The following GPRC6A variants were observed in gnomAD, a reference collection of about 807,000 sequenced individuals.
GPRC6A encodes the protein G protein-coupled receptor family C group 6 member A.
In GPRC6A, 54 loss-of-function variants were observed where a neutral mutation model predicts 47.0. The observed-to-expected ratio is 1.15, with a 90% CI of 0.92 to 1.44. GPRC6A has a LOEUF of 1.44. GPRC6A is among the 40% of genes most tolerant of loss of function. The probability of loss-of-function intolerance (pLI) is 0.00; values close to 1 mark genes in which losing one functional copy is unlikely to be tolerated. For missense variants in GPRC6A, 1,112 were observed against 1,105.5 expected (o/e 1.01, Z -0.08); for synonymous variants, 347 against 377.1 (o/e 0.92, Z 0.93).
chr6:116,817,510 A>G (rs1249911729), intron 1 of GPRC6A, among the ~76,000 whole-genome samples: 2 of 152,258 alleles, frequency 1.3e-5, no homozygotes, highest in African/African-American at 4.8e-5. Flanking sequence ...GCAGTTCCTC[A>G]CCAGCAACAG....
At chr6:116,823,612 CT>C (rs1773580852) in intron 1 of GPRC6A, among the ~76,000 whole-genome samples, 1 of 152,082 alleles carries the variant, frequency 6.6e-6, no homozygotes, top group African/African-American at 2.4e-5. Context: ...TTTCAGATAT[CT>C]TTATAGCAAT....
At chr6:116,827,816 C>A (rs1773721724) in intron 1 of GPRC6A, among the ~76,000 whole-genome samples, 1 of 151,762 alleles carries the variant, frequency 6.6e-6, no homozygotes, top group African/African-American at 2.4e-5. Context: ...AAGTGCCCAA[C>A]TTTTAGGGAG....
chr6:116,810,485 T>C (rs2114601167), intron 1 of GPRC6A, among the ~76,000 whole-genome samples: 1 of 152,226 alleles, frequency 6.6e-6, no homozygotes, highest in Non-Finnish European at 1.5e-5. Flanking sequence ...TGCTATTCTT[T>C]GGACATTCCA....
chr6:116,811,440 G>A (rs1485667853), intron 1 of GPRC6A, among the ~76,000 whole-genome samples: 1 of 151,566 alleles, frequency 6.6e-6, no homozygotes, highest in African/African-American at 2.4e-5. Flanking sequence ...TATCATACTG[G>A]TCTTTAAGAA....
upstream of GPRC6A, chr6:116,829,121 C>T (rs1470351155): frequency 6.0e-6 from 8 of 1,339,166 alleles, no homozygotes; most frequent in Non-Finnish European, 7.8e-6. Flanking sequence ...AGGTATAGGA[C>T]AGTGTCAAAG....
chr6:116,821,938 A>C (rs1440117184), intron 1 of GPRC6A, among the ~76,000 whole-genome samples: 1 of 149,552 alleles, frequency 6.7e-6, no homozygotes, highest in East Asian at 1.9e-4. Context: ...ACAAAATGGG[A>C]GAAAATTTTC....
rs1434349675 is a variant in GPRC6A, at chr6:116,821,000, C to A, written c.194+7820G>T. ...AAAATCTCCTTAAGCTGATAAGCAA[C>A]TTCAGCAAAGTCTCAGGATACAAAA... On this transcript the variant is annotated intron_variant, in intron 1 of 5. Coordinates refer to ENST00000310357, the MANE Select transcript of GPRC6A (RefSeq NM_148963.4). 4.2e-4 allele frequency among the ~76,000 whole-genome samples: 63 copies of A among 151,772 alleles called. 1 individual carries two copies. The highest frequency in any genetic ancestry group is 3.6e-3 in the Admixed American group (55 of 15,226).
intron 4 of GPRC6A, among the ~76,000 whole-genome samples, chr6:116,796,972 C>T (rs963164788): frequency 5.9e-5 from 9 of 152,150 alleles, no homozygotes; most frequent in Non-Finnish European, 8.8e-5. Context: ...CATGCTGGTG[C>T]GCTGCACCCA....
At position 116,809,343 on chromosome 6, in the gene GPRC6A, T is replaced by G; in HGVS notation, c.469A>C (p.Arg157=). 6.2e-7 allele frequency: 1 copy of G among 1,613,560 alleles called. No homozygotes were observed. The highest frequency in any genetic ancestry group is 8.5e-7 in the Non-Finnish European group (1 of 1,179,610). Residue 157 remains arginine, a synonymous_variant, in exon 2 of 6, where the codon AGG becomes CGG. Transcript: ENST00000310357. ...GGCATGAGCTGTAAATTCAACATCC[T>G]GGAGACAGCCATAGTTATTTCTGAG... The part of the protein sequence containing the change: ...GYSEITMAVS[R]MLNLQLMPQV...
chr6:116,795,849 G>GAA lies in GPRC6A; in HGVS notation c.1549-16_1549-15dup. The stretch of plus-strand genomic sequence containing the variant: ...AGATTGAATTTGCTATATTAAAAGT[G>GAA]AAAAAAAAAATCACAAGTAAATTTG... On this transcript the variant is annotated splice_polypyrimidine_tract_variant and intron_variant, in intron 4 of 5. Coordinates refer to ENST00000310357, the MANE Select transcript of GPRC6A (RefSeq NM_148963.4). 1.7e-5 allele frequency: 25 copies of GAA among 1,448,644 alleles called. No individual in the cohort carries two copies. The highest frequency in any genetic ancestry group is 4.0e-5 in the South Asian group (3 of 75,056). 89.7% of individuals were successfully genotyped at this position (1,448,644 alleles called of 1,614,324 possible). A position where few individuals can be genotyped will look rare whatever the true frequency, so the allele number is the denominator to read the frequency against.
In GPRC6A at chr6:116,817,176, G is replaced by A. The variant is rs1369422539; in HGVS notation, c.195-7559C>T. On this transcript the variant is annotated intron_variant, in intron 1 of 5. Coordinates refer to ENST00000310357, the MANE Select transcript of GPRC6A (RefSeq NM_148963.4). ...AAGAGAGCAGTGGTTCTCCCAGCAC[G>A]CAGCTGGAGATCTGAGAATGGGCAG... Among the ~76,000 whole-genome samples, 14 of 151,166 alleles carry A rather than the reference G, an allele frequency of 9.3e-5. No homozygotes were observed. The South Asian group carries it at 1.9e-3, about 20-fold the overall frequency.
At chr6:116,823,557 G>T (rs1246810795) in intron 1 of GPRC6A, among the ~76,000 whole-genome samples, 1 of 152,000 alleles carries the variant, frequency 6.6e-6, no homozygotes, top group East Asian at 1.9e-4. Flanking sequence ...CCTCCAAACT[G>T]TTGCAACCAC....
At chr6:116,818,975 G>T (rs1773352754) in intron 1 of GPRC6A, among the ~76,000 whole-genome samples, 1 of 152,034 alleles carries the variant, frequency 6.6e-6, no homozygotes, top group African/African-American at 2.4e-5. Context: ...CTCACGTGCA[G>T]AGACACACAT....
intron 1 of GPRC6A, among the ~76,000 whole-genome samples, chr6:116,811,478 A>T (rs1300207475): frequency 1.3e-5 from 2 of 152,156 alleles, no homozygotes; most frequent in Admixed American, 1.3e-4. Flanking sequence ...TTTTTAAAAA[A>T]GGAACACAAT....
Position 116,806,636 on chromosome 6 carries a change from A to G in GPRC6A, c.1069T>C (p.Tyr357His), listed in dbSNP as rs372422314. Residue 357 changes from tyrosine (Y) to histidine (H), a missense_variant, in exon 3 of 6, where the codon TAT becomes CAT. Physicochemically the swap from Tyr to His is moderately conservative, Grantham distance 83 (BLOSUM62 2). Transcript: ENST00000310357. ...GCGCAGGCAGATAAATGCATGGCAT[A>G]TTCATGTAAGAGTTTGTGACTGTCA... ...PSDSHKLLHE[Y>H]AMHLSACAYV... 3 of 1,613,410 alleles carry G rather than the reference A, an allele frequency of 1.9e-6. No homozygotes were observed. In the African/African-American group the frequency reaches 4.0e-5, roughly 22 times the overall value.
chr6:116,792,282 TCA>T lies in GPRC6A; in HGVS notation c.2639_2640del (p.Met880AsnfsTer6). 6.2e-7 allele frequency: 1 copy of T among 1,614,062 alleles called. No individual in the cohort carries two copies. Among genetic ancestry groups the T allele is most frequent in the Non-Finnish European group, 8.5e-7 (1 of 1,179,948 alleles). On this transcript the variant is annotated frameshift_variant, in exon 6 of 6. Transcript: ENST00000310357. LOFTEE classifies it low-confidence loss of function (END_TRUNC). Reference protein sequence around the residue: ...SLDSMSGNVTMTNPSSSGKSA... With the variant: ...SLDSMSGNVTXTNPSSSGKSA... ...GACTTGCCACTAGAGCTGGGATTGGTCATTGTGACATTGCCGCTCATGGAGTC... is the reference window on the plus strand; with the variant it reads ...GACTTGCCACTAGAGCTGGGATTGGTTTGTGACATTGCCGCTCATGGAGTC...
chr6:116,795,439 G>A (rs771039956), intron 5 of GPRC6A, among the ~76,000 whole-genome samples: 7 of 152,044 alleles, frequency 4.6e-5, no homozygotes, highest in Non-Finnish European at 8.8e-5. Context: ...CACTTTAAGA[G>A]TTGCATACTT....
chr6:116,811,359 A>G (rs1773018490), intron 1 of GPRC6A, among the ~76,000 whole-genome samples: 3 of 151,896 alleles, frequency 2.0e-5, no homozygotes, highest in East Asian at 1.9e-4. Flanking sequence ...CATCAGATGT[A>G]TATATATTAA....
chr6:116,805,219 A>G (rs571166440), intron 3 of GPRC6A, among the ~76,000 whole-genome samples: 3 of 151,962 alleles, frequency 2.0e-5, no homozygotes, highest in Non-Finnish European at 2.9e-5. Context: ...TTACCTCCTT[A>G]TTAGATTTTT....
Sources: allele counts gnomAD v4.1 joint callset (sites outside exome capture counted in the v4.1 genomes callset), GRCh38; gene constraint gnomAD v4.1.1; transcripts MANE v1.5; gene names NCBI Gene and HGNC (gene_info 2026-07-23, HGNC 2026-07-21).